PRKAR2A: variants seen among roughly 807,000 people sequenced by gnomAD.
PRKAR2A encodes the protein cAMP-dependent protein kinase type II-alpha regulatory subunit.
PRKAR2A carries 29 observed loss-of-function variants against 51.9 expected under a neutral mutation model. The ratio of observed to expected loss-of-function variants is 0.56; its 90% CI spans 0.42 to 0.76. PRKAR2A has a LOEUF of 0.76. Ranked by LOEUF, PRKAR2A falls within the 30% of genes least tolerant of loss-of-function variation. The pLI, the probability that PRKAR2A is intolerant of heterozygous loss-of-function variation, is 0.00. For synonymous variants in PRKAR2A, 178 were observed against 186.2 expected, an observed-to-expected ratio of 0.96 and a Z score of 0.36; for missense variants, 445 against 512.1, an observed-to-expected ratio of 0.87 and a Z score of 1.26.
rs933901328 is a variant in PRKAR2A at position 48,828,548 on chromosome 3, G to A, written c.262+18787C>T. Among the ~76,000 whole-genome samples, 9 of 151,440 alleles carry A rather than the reference G, an allele frequency of 5.9e-5. No individual in the cohort carries two copies. The South Asian group carries it at 6.2e-4, about 11-fold the overall frequency. On this transcript the variant is annotated intron_variant, in intron 1 of 10. Transcript: ENST00000265563. The stretch of plus-strand genomic sequence containing the variant: ...AACCAAGGCAACATGGTGAGACTCC[G>A]CCTCTACAAAAAAATAGAAAAAAAC...
At chr3:48,772,053 T>C (rs1296163414) in intron 6 of PRKAR2A, among the ~76,000 whole-genome samples, 1 of 152,178 alleles carries the variant, frequency 6.6e-6, no homozygotes, top group Non-Finnish European at 1.5e-5. Flanking sequence ...GAACTCACTG[T>C]CATGTCTTTC....
chr3:48,804,329 C>T (rs1180855495), intron 2 of PRKAR2A, among the ~76,000 whole-genome samples: 2 of 151,914 alleles, frequency 1.3e-5, no homozygotes, highest in Admixed American at 1.3e-4. Flanking sequence ...GGCATGGTAG[C>T]GTGCACCTGT....
intron 2 of PRKAR2A, among the ~76,000 whole-genome samples, chr3:48,794,966 T>C (rs181122004): frequency 5.3e-5 from 8 of 152,170 alleles, no homozygotes. Context: ...GGAATGAAAC[T>C]TCTCTGAGGA....
intron 5 of PRKAR2A, among the ~76,000 whole-genome samples, chr3:48,774,085 A>G (rs566801625): frequency 2.0e-5 from 3 of 152,162 alleles, no homozygotes; most frequent in African/African-American, 7.2e-5. Flanking sequence ...CTCCTGTCTC[A>G]GCCTCCCAAA....
At chr3:48,821,952 C>T (rs1220749474) in intron 1 of PRKAR2A, among the ~76,000 whole-genome samples, 1 of 149,008 alleles carries the variant, frequency 6.7e-6, no homozygotes, top group East Asian at 2.0e-4. Context: ...CAGGGCCAGG[C>T]GCAGTGTCTC....
chr3:48,838,967 GAGCA>G (rs1384921583), intron 1 of PRKAR2A, among the ~76,000 whole-genome samples: 1 of 150,388 alleles, frequency 6.6e-6, no homozygotes, highest in East Asian at 2.0e-4. Context: ...CTGGGCGACA[GAGCA>G]AGACTCCGTC....
intron 1 of PRKAR2A, among the ~76,000 whole-genome samples, chr3:48,818,365 C>G (rs1363981129): frequency 1.3e-5 from 2 of 152,130 alleles, no homozygotes; most frequent in African/African-American, 4.8e-5. Context: ...ACAATATAAG[C>G]CATTCATTTT....
At chr3:48,812,184 T>C (rs1039220542) in intron 1 of PRKAR2A, among the ~76,000 whole-genome samples, 1 of 151,400 alleles carries the variant, frequency 6.6e-6, no homozygotes, top group African/African-American at 2.4e-5. Flanking sequence ...AAATTTTAAG[T>C]ACAACGAAAA....
chr3:48,814,437 T>C (rs75760739), intron 1 of PRKAR2A, among the ~76,000 whole-genome samples: 3,069 of 151,980 alleles, frequency 0.02, 53 homozygotes, highest in Middle Eastern at 0.058. Flanking sequence ...AAATAAATAA[T>C]CAAGGAGGAA....
intron 1 of PRKAR2A, among the ~76,000 whole-genome samples, chr3:48,814,848 T>C (rs1476341883): frequency 6.6e-6 from 1 of 152,258 alleles, no homozygotes. Context: ...TAGTTATTAA[T>C]TTCAACAGAT....
At chr3:48,844,214 C>G (rs1388898366) in intron 1 of PRKAR2A, among the ~76,000 whole-genome samples, 2 of 152,190 alleles carry the variant, frequency 1.3e-5, no homozygotes, top group Non-Finnish European at 2.9e-5. Flanking sequence ...GACATTTATG[C>G]AGCCAAAAGA....
rs1439832930 is a variant in PRKAR2A at position 48,751,215 on chromosome 3, T to C, written c.*370A>G. The C allele has an allele frequency of 4.5e-6, 2 of 447,258 alleles. No individual in the cohort carries two copies. The highest frequency in any genetic ancestry group is 1.3e-4 in the East Asian group (2 of 15,232). 27.7% of individuals were successfully genotyped at this position (447,258 alleles called of 1,614,324 possible). On this transcript the variant is annotated 3_prime_UTR_variant, in exon 11 of 11. Transcript: ENST00000265563. ...ATACAACAGGTTTCTGCAGACCCTG[T>C]GGTAACTTCCAAAAGCAAGAGTAGC...
At chr3:48,820,606 T>C in intron 1 of PRKAR2A, among the ~76,000 whole-genome samples, 1 of 152,192 alleles carries the variant, frequency 6.6e-6, no homozygotes, top group Admixed American at 6.5e-5. Context: ...TCACCTCACT[T>C]ACTAGCAGTG....
intron 1 of PRKAR2A, among the ~76,000 whole-genome samples, chr3:48,845,181 T>G (rs2083443223): frequency 1.3e-5 from 2 of 152,152 alleles, no homozygotes; most frequent in South Asian, 2.1e-4. Flanking sequence ...AACTTAAAGA[T>G]AAGAAAATCT....
intron 8 of PRKAR2A, among the ~76,000 whole-genome samples, chr3:48,762,800 A>G (rs2107224079): frequency 6.6e-6 from 1 of 152,312 alleles, no homozygotes; most frequent in African/African-American, 2.4e-5. Flanking sequence ...ATGAAATATT[A>G]TTAGCAATAA....
chr3:48,774,295 CTCTCT>C (rs2082073644), intron 5 of PRKAR2A, among the ~76,000 whole-genome samples: 1 of 151,936 alleles, frequency 6.6e-6, no homozygotes, highest in Non-Finnish European at 1.5e-5. Flanking sequence ...ATTTCATGTC[CTCTCT>C]TCTATTAATA....
At chr3:48,835,469 A>G (rs1446044808) in intron 1 of PRKAR2A, among the ~76,000 whole-genome samples, 2 of 151,826 alleles carry the variant, frequency 1.3e-5, no homozygotes, top group Non-Finnish European at 2.9e-5. Context: ...GTGAAACCCC[A>G]TCTATACTAA....
chr3:48,836,680 C>A (rs970286817), intron 1 of PRKAR2A, among the ~76,000 whole-genome samples: 1 of 151,034 alleles, frequency 6.6e-6, no homozygotes, highest in African/African-American at 2.4e-5. Context: ...TCAAAGGACA[C>A]CAAAAAAGTG....
intron 6 of PRKAR2A, among the ~76,000 whole-genome samples, chr3:48,767,620 A>T (rs1366093753): frequency 6.6e-6 from 1 of 151,552 alleles, no homozygotes; most frequent in Non-Finnish European, 1.5e-5. Flanking sequence ...TGAGACCTCA[A>T]CTCTATTTAA....
Sources: allele counts gnomAD v4.1 joint callset (sites outside exome capture counted in the v4.1 genomes callset), GRCh38; gene constraint gnomAD v4.1.1; transcripts MANE v1.5; gene names NCBI Gene and HGNC (gene_info 2026-07-23, HGNC 2026-07-21).